Variants in AKAP9 observed in about 807,000 individuals in gnomAD.
AKAP9 encodes A-kinase anchoring protein 9.
A neutral mutation model predicts 488.5 loss-of-function variants in AKAP9; 311 were observed. The observed-to-expected ratio is 0.64, with a 90% CI of 0.58 to 0.70. The LOEUF (loss-of-function observed/expected upper bound fraction) is 0.70, where lower values mean the gene tolerates loss of function less well. Ranked by LOEUF, AKAP9 falls within the 30% of genes least tolerant of loss-of-function variation. The pLI is 0.00. For synonymous variants in AKAP9, 1,462 were observed against 1,483.5 expected, an observed-to-expected ratio of 0.99 and a Z score of 0.33; for missense variants, 4,215 against 4,374.5, an observed-to-expected ratio of 0.96 and a Z score of 1.03.
intron 1 of AKAP9, among the ~76,000 whole-genome samples, chr7:91,951,417 T>TGA (rs753661231): frequency 6.6e-6 from 1 of 152,060 alleles, no homozygotes; most frequent in Non-Finnish European, 1.5e-5. Context: ...CTCGACCTCC[T>TGA]GAATTCAATT....
chr7:92,051,042 ATAT>A lies in AKAP9; in HGVS notation c.5369-1680_5369-1678del, dbSNP rs533387633. Among the ~76,000 whole-genome samples, 170 of 152,178 alleles carry A rather than the reference ATAT, an allele frequency of 1.1e-3. 2 individuals carry two copies. The Middle Eastern group carries it at 0.017, about 15-fold the overall frequency. ...ATTTGCTTCCTGATGCACATATTTG[ATAT>A]TATCTTCTTATTCAAAATATGATTT... On this transcript the variant is annotated intron_variant, in intron 21 of 49. Coordinates refer to ENST00000356239, the MANE Select transcript of AKAP9 (RefSeq NM_005751.5).
At position 91,994,898 on chromosome 7, in the gene AKAP9, AT is replaced by A. The variant is rs1196428282; in HGVS notation, c.732+124del. ...TTTCGTATTATATCATGTATGAAAA[AT>A]TAGTGAATATGTGTTGCTATATTAA... On this transcript the variant is annotated intron_variant, in intron 6 of 49. Coordinates refer to ENST00000356239, the MANE Select transcript of AKAP9 (RefSeq NM_005751.5). 3.7e-6 allele frequency: 3 copies of A among 810,182 alleles called. No individual in the cohort carries two copies. In the Admixed American group the frequency reaches 7.9e-5, roughly 21 times the overall value. The allele number at this position is 810,182 out of a possible 1,614,324, so 50.2% of individuals were successfully genotyped here. A position where few individuals can be genotyped will look rare whatever the true frequency, so the allele number is the denominator to read the frequency against.
intron 3 of AKAP9, among the ~76,000 whole-genome samples, chr7:91,980,852 A>G (rs1796328011): frequency 6.6e-6 from 1 of 151,958 alleles, no homozygotes; most frequent in Non-Finnish European, 1.5e-5. Context: ...TCATTTTGTT[A>G]TCTTTTTCTT....
chr7:92,073,977 A>G (rs1228760875), intron 28 of AKAP9, among the ~76,000 whole-genome samples: 1 of 152,230 alleles, frequency 6.6e-6, no homozygotes, highest in Non-Finnish European at 1.5e-5. Flanking sequence ...CTTCATGTCT[A>G]AAACACCAAA....
chr7:92,081,473 TTATA>T lies in AKAP9; in HGVS notation c.8020-1027_8020-1024del, dbSNP rs372040821. Reference sequence around the variant, plus strand: ...ACACGCACCACCACACCCGGCTAATTTATATATATATATATATATATATATTTTT... The same window carrying T: ...ACACGCACCACCACACCCGGCTAATTTATATATATATATATATATATTTTT... On this transcript the variant is annotated intron_variant, in intron 31 of 49. Coordinates refer to ENST00000356239, the MANE Select transcript of AKAP9 (RefSeq NM_005751.5). 5.1e-4 allele frequency among the ~76,000 whole-genome samples: 61 copies of T among 120,368 alleles called. 6 individuals carry two copies. The highest frequency in any genetic ancestry group is 4.1e-3 in the Middle Eastern group (1 of 246). The allele number at this position is 120,368 out of a possible 152,430, so 79.0% of individuals were successfully genotyped here.
intron 1 of AKAP9, among the ~76,000 whole-genome samples, chr7:91,951,670 A>T (rs1165270734): frequency 6.6e-6 from 1 of 152,186 alleles, no homozygotes; most frequent in Non-Finnish European, 1.5e-5. Context: ...TTCTAGGCTC[A>T]GTAGTTTAGT....
chr7:92,083,634 A>ACAGT lies in AKAP9; in HGVS notation c.8626_8629dup (p.Cys2877SerfsTer6). The ACAGT allele has an allele frequency of 6.2e-7, 1 of 1,611,404 alleles. No homozygotes were observed. Among genetic ancestry groups the ACAGT allele is most frequent in the South Asian group, 1.1e-5 (1 of 90,218 alleles). On this transcript the variant is annotated frameshift_variant, in exon 33 of 50. Coordinates refer to ENST00000356239, the MANE Select transcript of AKAP9 (RefSeq NM_005751.5). LOFTEE classifies it high-confidence loss of function. ...AATGTGGTACCTTGAAGGCAGTGAT[A>ACAGT]CAGTGTCTGAGAAGTAAAGAGGTAT...
At chr7:92,073,725 T>C (rs1375213510) in intron 28 of AKAP9, among the ~76,000 whole-genome samples, 1 of 152,150 alleles carries the variant, frequency 6.6e-6, no homozygotes. Context: ...ATAGTGTCAT[T>C]TGGGGGAATT....
intron 22 of AKAP9, among the ~76,000 whole-genome samples, chr7:92,055,562 A>G (rs1400338672): frequency 1.3e-5 from 2 of 152,128 alleles, no homozygotes; most frequent in Non-Finnish European, 2.9e-5. Context: ...TTTAGGAAAC[A>G]ACTCTATGCT....
At chr7:92,102,565 C>G (rs780556030) in intron 45 of AKAP9, 29 bp from the exon 46 acceptor site, 4 of 1,596,754 alleles carry the variant, frequency 2.5e-6, no homozygotes, top group East Asian at 4.5e-5. Flanking sequence ...TTCTTAATGT[C>G]TTTACATTCT....
At chr7:92,039,495 A>G (rs1289758404) in intron 17 of AKAP9, among the ~76,000 whole-genome samples, 2 of 152,334 alleles carry the variant, frequency 1.3e-5, no homozygotes, top group East Asian at 3.9e-4. Context: ...TTTACTATCT[A>G]TATCCTAATT....
At position 92,081,199 on chromosome 7, in the gene AKAP9, G is replaced by A. The variant is rs146000227; in HGVS notation, c.8019+1047G>A. On this transcript the variant is annotated intron_variant, in intron 31 of 49. Transcript: ENST00000356239. ...TATCATTCCTTTTAAGTAATAATAA[G>A]TATGAAAATATGTTAGGATTGACAA... 1.3e-3 allele frequency among the ~76,000 whole-genome samples: 190 copies of A among 151,994 alleles called. 3 individuals are homozygous for A. The East Asian group carries it at 0.033, about 27-fold the overall frequency.
intron 3 of AKAP9, among the ~76,000 whole-genome samples, chr7:91,989,124 GT>G (rs1797462926): frequency 7.4e-6 from 1 of 135,366 alleles, no homozygotes; most frequent in Non-Finnish European, 1.6e-5. Flanking sequence ...TATGAAATGA[GT>G]GATGATGATT....
At chr7:92,088,108 ATCT>A (rs1049428969) in intron 37 of AKAP9, among the ~76,000 whole-genome samples, 24 of 152,108 alleles carry the variant, frequency 1.6e-4, no homozygotes, top group African/African-American at 5.6e-4. Context: ...TCCCCAGAAA[ATCT>A]TCTTTAATTA....
intron 12 of AKAP9, among the ~76,000 whole-genome samples, chr7:92,020,573 A>G (rs1353919780): frequency 6.6e-6 from 1 of 152,040 alleles, no homozygotes; most frequent in Admixed American, 6.6e-5. Context: ...ACACATTTGC[A>G]TTTGTATCAC....
At position 92,083,467 on chromosome 7, in the gene AKAP9, A is replaced by G. The variant is rs1410523189; in HGVS notation, c.8458A>G (p.Ile2820Val). 2 of 1,613,616 alleles carry G rather than the reference A, an allele frequency of 1.2e-6. No individual in the cohort carries two copies. The highest frequency in any genetic ancestry group is 3.3e-5 in the Admixed American group (2 of 59,994). Residue 2820 changes from isoleucine (I) to valine (V), a missense_variant, in exon 33 of 50, where the codon ATA becomes GTA. By Grantham distance (29) the Ile-to-Val change is conservative. This residue lies in a region of AKAP9 where 1,476 missense variants were observed against 1,477.4 expected (regional missense o/e 1.00). Transcript: ENST00000356239. ...ATGTTCCTCAGAAGAAGTTACTGAA[A>G]TAATCAGTCAGTTTACTGAAAAAAT... ...SECSSEEVTEIISQFTEKIEK... is the reference protein window; with the variant it reads ...SECSSEEVTEVISQFTEKIEK...
Position 91,983,011 on chromosome 7 carries a change from T to G in AKAP9, c.351+2678T>G, listed in dbSNP as rs368853376. ...TTTGAGAAGTGTCTGTTCATATCCT[T>G]TGCCTGTTTTTTGATGGGGTTGTTT... On this transcript the variant is annotated intron_variant, in intron 3 of 49. Transcript: ENST00000356239. Among the ~76,000 whole-genome samples the G allele has an allele frequency of 2.0e-4, 30 of 152,286 alleles. No individual in the cohort carries two copies. In the East Asian group the frequency reaches 4.4e-3, roughly 23 times the overall value.
At chr7:92,058,365 A>G (rs1173457659) in intron 22 of AKAP9, 5 of 565,610 alleles carry the variant, frequency 8.8e-6, no homozygotes, top group Admixed American at 3.9e-5. Context: ...AGAAACGGGC[A>G]TATATTAAAG....
chr7:91,941,241 A>C, intron 1 of AKAP9, 94 bp downstream of exon 1: 1 of 1,254,738 alleles, frequency 8.0e-7, no homozygotes, highest in Non-Finnish European at 1.2e-6. Context: ...CCGCAGCCCC[A>C]GTGCACTGCC....
Sources: allele counts gnomAD v4.1 joint callset (sites outside exome capture counted in the v4.1 genomes callset), GRCh38; gene constraint gnomAD v4.1.1; regional missense constraint gnomAD v4.1.1; transcripts MANE v1.5; gene names NCBI Gene and HGNC (gene_info 2026-07-23, HGNC 2026-07-21).